Variants in PDZRN3 observed in about 807,000 individuals in gnomAD.
The protein encoded by PDZRN3 is PDZ domain containing ring finger 3.
In PDZRN3, 38 loss-of-function variants were observed where a neutral mutation model predicts 85.7. The observed-to-expected ratio is 0.44, with a 90% CI of 0.34 to 0.58. The LOEUF (loss-of-function observed/expected upper bound fraction) is 0.58. PDZRN3 is among the 20% of genes least tolerant of loss of function. PDZRN3 has a pLI of 0.01. For synonymous variants in PDZRN3, 759 were observed against 638.0 expected, an observed-to-expected ratio of 1.19 and a Z score of -2.86; for missense variants, 1,629 against 1,506.4, an observed-to-expected ratio of 1.08 and a Z score of -1.35.
intron 1 of PDZRN3, 134 bp downstream of exon 1, chr3:73,623,969 A>G (rs1702912327): frequency 2.3e-6 from 2 of 857,378 alleles, no homozygotes; most frequent in Non-Finnish European, 3.3e-6. Context: ...ACAGCTGGTA[A>G]GCAGTGGAAG....
intron 3 of PDZRN3, among the ~76,000 whole-genome samples, chr3:73,512,799 C>T (rs1704191800): frequency 6.6e-6 from 1 of 152,076 alleles, no homozygotes; most frequent in South Asian, 2.1e-4. Flanking sequence ...ATGATGAGCC[C>T]TTTAAAATGT....
At chr3:73,548,308 C>T (rs1701475215) in intron 3 of PDZRN3, among the ~76,000 whole-genome samples, 1 of 152,204 alleles carries the variant, frequency 6.6e-6, no homozygotes, top group South Asian at 2.1e-4. Flanking sequence ...AGCTCCAAAA[C>T]ATTGAATATT....
At chr3:73,513,318 AAG>A (rs1704200578) in intron 3 of PDZRN3, among the ~76,000 whole-genome samples, 1 of 152,210 alleles carries the variant, frequency 6.6e-6, no homozygotes, top group South Asian at 2.1e-4. Flanking sequence ...TGGTCTAACT[AAG>A]AAACATCAGC....
intron 3 of PDZRN3, among the ~76,000 whole-genome samples, chr3:73,483,709 A>C (rs1472581747): frequency 6.6e-6 from 1 of 152,232 alleles, no homozygotes; most frequent in Non-Finnish European, 1.5e-5. Context: ...AATTGACCAT[A>C]CCAGGAAGGG....
chr3:73,436,737 T>C (rs1702537326), intron 3 of PDZRN3, among the ~76,000 whole-genome samples: 1 of 152,162 alleles, frequency 6.6e-6, no homozygotes, highest in Non-Finnish European at 1.5e-5. Context: ...CCTTAGGAAC[T>C]CTTTCACTCT....
intron 3 of PDZRN3, among the ~76,000 whole-genome samples, chr3:73,586,512 G>A (rs984002619): frequency 2.6e-5 from 4 of 152,358 alleles, no homozygotes; most frequent in Middle Eastern, 3.4e-3. Context: ...AATATGCGGT[G>A]TGCAGAGCAC....
At chr3:73,501,735 C>T (rs1189456977) in intron 3 of PDZRN3, among the ~76,000 whole-genome samples, 1 of 152,176 alleles carries the variant, frequency 6.6e-6, no homozygotes, top group Non-Finnish European at 1.5e-5. Context: ...CATTAGAAGG[C>T]CAGGTGTGGT....
rs554852757 is a variant in PDZRN3 at position 73,522,424 on chromosome 3, C to T, written c.918+79930G>A. 9.2e-5 allele frequency among the ~76,000 whole-genome samples: 14 copies of T among 152,342 alleles called. 1 individual carries two copies. Among genetic ancestry groups the T allele is most frequent in the Non-Finnish European group, 1.3e-4 (9 of 68,036 alleles). The stretch of plus-strand genomic sequence containing the variant: ...ATGCTAGTGCTATAAAGTGAGCAGG[C>T]TGTGTGCTCCTCAGAAGGGTCTGCA... On this transcript the variant is annotated intron_variant, in intron 3 of 9. Transcript: ENST00000263666.
intron 3 of PDZRN3, among the ~76,000 whole-genome samples, chr3:73,571,254 C>G (rs1168898598): frequency 1.3e-5 from 2 of 152,118 alleles, no homozygotes; most frequent in African/African-American, 4.8e-5. Flanking sequence ...GTCTTTGTAT[C>G]CCTTTTTTCT....
At chr3:73,595,100 T>A (rs1702413466) in intron 3 of PDZRN3, among the ~76,000 whole-genome samples, 1 of 152,220 alleles carries the variant, frequency 6.6e-6, no homozygotes, top group Non-Finnish European at 1.5e-5. Context: ...GATGTCATTG[T>A]CGTTATGTAT....
intron 1 of PDZRN3, among the ~76,000 whole-genome samples, chr3:73,609,366 C>T (rs1009350193): frequency 5.9e-5 from 9 of 152,124 alleles, no homozygotes; most frequent in African/African-American, 2.2e-4. Flanking sequence ...GTGACCCAGG[C>T]AGGTCACAGA....
chr3:73,441,534 A>AAGAGTTCTTTTC (rs1303113513), intron 3 of PDZRN3, among the ~76,000 whole-genome samples: 1 of 152,080 alleles, frequency 6.6e-6, no homozygotes, highest in East Asian at 1.9e-4. Context: ...AGACTGAGCT[A>AAGAGTTCTTTTC]AGAGTTCTTT....
At chr3:73,514,854 T>C (rs1381994625) in intron 3 of PDZRN3, among the ~76,000 whole-genome samples, 3 of 152,238 alleles carry the variant, frequency 2.0e-5, no homozygotes, top group South Asian at 2.1e-4. Context: ...GCATTTCACC[T>C]GCATAATCTC....
At chr3:73,521,191 G>A (rs1355016324) in intron 3 of PDZRN3, among the ~76,000 whole-genome samples, 5 of 152,136 alleles carry the variant, frequency 3.3e-5, no homozygotes, top group Non-Finnish European at 7.3e-5. Context: ...CTCGTTAAAC[G>A]GGTTGTTGTG....
At chr3:73,491,593 C>CTTTTTTT (rs1429977645) in intron 3 of PDZRN3, among the ~76,000 whole-genome samples, 2 of 132,830 alleles carry the variant, frequency 1.5e-5, no homozygotes, top group African/African-American at 2.8e-5. Context: ...TGGAAGGTTC[C>CTTTTTTT]TTTTTTTTTT....
intron 2 of PDZRN3, 127 bp downstream of exon 2, chr3:73,608,470 AC>A (rs2106904859): frequency 1.7e-5 from 12 of 692,758 alleles, no homozygotes; most frequent in Middle Eastern, 2.4e-4. Flanking sequence ...CAGCCAATGA[AC>A]CCTCTAATGA....
chr3:73,609,108 C>T (rs1008863562), intron 1 of PDZRN3, among the ~76,000 whole-genome samples: 4 of 152,116 alleles, frequency 2.6e-5, no homozygotes, highest in South Asian at 2.1e-4. Flanking sequence ...GCAATTCTTT[C>T]GGAAGTGTGA....
At chr3:73,450,191 C>G (rs1488256831) in intron 3 of PDZRN3, among the ~76,000 whole-genome samples, 1 of 152,132 alleles carries the variant, frequency 6.6e-6, no homozygotes, top group Non-Finnish European at 1.5e-5. Flanking sequence ...GAGAGGCTTC[C>G]CTCTCATGAT....
In PDZRN3 at chr3:73,536,139, T is replaced by C. The variant is rs536569968; in HGVS notation, c.918+66215A>G. 3.3e-5 allele frequency among the ~76,000 whole-genome samples: 5 copies of C among 152,390 alleles called. No homozygotes were observed. The East Asian group carries it at 9.6e-4, about 29-fold the overall frequency. Reference sequence around the variant, plus strand: ...TAATAAATACAAAGGTCTCTGCCACTGCACTCCACTGTAAGCCATTTCTAA... The same window carrying C: ...TAATAAATACAAAGGTCTCTGCCACCGCACTCCACTGTAAGCCATTTCTAA... On this transcript the variant is annotated intron_variant, in intron 3 of 9. Transcript: ENST00000263666.
Sources: gnomAD v4.1 joint callset for allele counts (sites outside exome capture counted in the v4.1 genomes callset) on GRCh38, gnomAD v4.1.1 for gene constraint, MANE v1.5 for transcripts, NCBI Gene and HGNC (gene_info 2026-07-23, HGNC 2026-07-21) for gene names.